The following PRDM11 variants were observed in gnomAD, a reference collection of about 807,000 sequenced individuals.
PRDM11 encodes the protein PR/SET domain 11.
In PRDM11, 20 loss-of-function variants were observed where a neutral mutation model predicts 97.8. The observed-to-expected ratio is 0.20, with a 90% CI of 0.14 to 0.30. The LOEUF (loss-of-function observed/expected upper bound fraction) is 0.30, where lower values mean the gene tolerates loss of function less well. Ranked by LOEUF, PRDM11 falls within the 10% of genes least tolerant of loss-of-function variation. The probability of loss-of-function intolerance (pLI) is 1.00; values close to 1 mark genes in which losing one functional copy is unlikely to be tolerated. For missense variants in PRDM11, 1,139 were observed against 1,555.2 expected (o/e 0.73, Z 4.50); for synonymous variants, 599 against 637.7 (o/e 0.94, Z 0.91).
intron 1 of PRDM11, among the ~76,000 whole-genome samples, chr11:45,107,688 G>A (rs118175719): frequency 6.6e-5 from 10 of 152,258 alleles, no homozygotes; most frequent in South Asian, 4.1e-4. Context: ...TGGCTTTTCC[G>A]TGTTGCTTTC....
Position 45,227,360 on chromosome 11 carries a change from T to A in PRDM11, c.2735T>A (p.Ile912Asn). ...YLLVSQVDDK[I>N]EEAIQEISRL... ...CTGGTGTCCCAGGTGGATGACAAGA[T>A]CGAGGAGGCCATCCAGGAGATCAGC... The change falls in exon 8 of 8, where the codon ATC (isoleucine) becomes AAC (asparagine). Residue 912 changes from isoleucine (I) to asparagine (N), a missense_variant. By Grantham distance (149) the Ile-to-Asn change is moderately radical. This residue lies in a region of PRDM11 where 710 missense variants were observed against 1,044.9 expected (regional missense o/e 0.68). Coordinates refer to ENST00000683152, the MANE Select transcript of PRDM11 (RefSeq NM_001384648.1). This position sits in a 1 kb window ranked among gnomAD's most constrained non-coding sequence, Gnocchi z 8.0. The A allele has an allele frequency of 6.5e-7, 1 of 1,533,884 alleles. No individual in the cohort carries two copies. Among genetic ancestry groups the A allele is most frequent in the Non-Finnish European group, 8.7e-7 (1 of 1,146,720 alleles).
At chr11:45,194,044 T>A (rs979186444) in intron 4 of PRDM11, among the ~76,000 whole-genome samples, 2 of 152,230 alleles carry the variant, frequency 1.3e-5, no homozygotes, top group African/African-American at 4.8e-5. Context: ...ATTTCACAGT[T>A]GAACGTAAGG....
chr11:45,104,761 C>T (rs1852032583), intron 1 of PRDM11, among the ~76,000 whole-genome samples: 1 of 152,138 alleles, frequency 6.6e-6, no homozygotes, highest in African/African-American at 2.4e-5. Flanking sequence ...CTGGGTGGGG[C>T]ACTTTAGAAA....
At chr11:45,203,950 A>G (rs986781559) in intron 4 of PRDM11, among the ~76,000 whole-genome samples, 2 of 152,220 alleles carry the variant, frequency 1.3e-5, no homozygotes, top group African/African-American at 2.4e-5. Flanking sequence ...GGAGAATTTC[A>G]GGAAAGTAAA....
At chr11:45,164,244 G>A (rs759328051) in intron 1 of PRDM11, among the ~76,000 whole-genome samples, 1 of 152,232 alleles carries the variant, frequency 6.6e-6, no homozygotes, top group Non-Finnish European at 1.5e-5. Flanking sequence ...GTCAGGGAAA[G>A]CGCTGGAAGC....
intron 1 of PRDM11, among the ~76,000 whole-genome samples, chr11:45,162,258 T>C (rs928121289): frequency 2.0e-5 from 3 of 152,074 alleles, no homozygotes; most frequent in Admixed American, 6.5e-5. Flanking sequence ...TCTACACCTG[T>C]CCTGTGGTGT....
chr11:45,226,822 G>A lies in PRDM11; in HGVS notation c.2197G>A (p.Gly733Arg), dbSNP rs1854286631. ...EKPTVGLGVD[G>R]ANITASLRAS... ...GCCAACTGTTGGCTTGGGTGTAGAT[G>A]GAGCCAACATCACAGCCAGCCTCCG... Residue 733 changes from glycine to arginine, a missense_variant, in exon 8 of 8, where the codon GGA becomes AGA. Coordinates refer to ENST00000683152, the MANE Select transcript of PRDM11 (RefSeq NM_001384648.1). The A allele has an allele frequency of 1.3e-6, 2 of 1,532,240 alleles. No individual in the cohort carries two copies. The highest frequency in any genetic ancestry group is 1.7e-6 in the Non-Finnish European group (2 of 1,146,222). The allele number at this position is 1,532,240 out of a possible 1,614,324, so 94.9% of individuals were successfully genotyped here. A position where few individuals can be genotyped will look rare whatever the true frequency, so the allele number is the denominator to read the frequency against.
chr11:45,114,569 C>T (rs1438456472), intron 1 of PRDM11, among the ~76,000 whole-genome samples: 1 of 151,946 alleles, frequency 6.6e-6, no homozygotes, highest in Non-Finnish European at 1.5e-5. Context: ...CTTATATACT[C>T]AATAAGCTCA....
At chr11:45,178,429 G>A (rs1852382884) in intron 1 of PRDM11, among the ~76,000 whole-genome samples, 2 of 152,016 alleles carry the variant, frequency 1.3e-5, no homozygotes, top group Admixed American at 1.3e-4. Flanking sequence ...ACCCCCTAGT[G>A]CTCCATCCTA....
In PRDM11 at chr11:45,226,362, G is replaced by T; in HGVS notation, c.1737G>T (p.Pro579=). 1 of 1,533,964 alleles carries T rather than the reference G, an allele frequency of 6.5e-7. No homozygotes were observed. Residue 579 remains proline (P), a synonymous_variant, in exon 8 of 8, where the codon CCG becomes CCT. Coordinates refer to ENST00000683152, the MANE Select transcript of PRDM11 (RefSeq NM_001384648.1). ...CLQLYKLRMH[P]EKTEEMCRNM... ...AACTGTACAAGCTCCGCATGCACCC[G>T]GAGAAGACAGAGGAGATGTGTCGCA...
chr11:45,099,450 T>TAAAAAAAAAAAA (rs532403075), intron 1 of PRDM11, among the ~76,000 whole-genome samples: 2 of 95,242 alleles, frequency 2.1e-5, no homozygotes, highest in African/African-American at 8.2e-5. Context: ...GACTCCATCT[T>TAAAAAAAAAAAA]AAAAAAAAAA....
At chr11:45,118,470 C>T (rs1565234091) in intron 1 of PRDM11, among the ~76,000 whole-genome samples, 1 of 152,124 alleles carries the variant, frequency 6.6e-6, no homozygotes, top group African/African-American at 2.4e-5. Context: ...AAATTAAATT[C>T]ATCAACACAT....
At chr11:45,106,871 A>G (rs1451378276) in intron 1 of PRDM11, among the ~76,000 whole-genome samples, 1 of 152,242 alleles carries the variant, frequency 6.6e-6, no homozygotes, top group Admixed American at 6.5e-5. Flanking sequence ...GGCAGTCACA[A>G]AAGTCTATGA....
chr11:45,185,162 T>C (rs1852659266), intron 4 of PRDM11, among the ~76,000 whole-genome samples: 1 of 152,286 alleles, frequency 6.6e-6, no homozygotes. Flanking sequence ...TAGCAAGAGC[T>C]ATTGTAGAAA....
intron 5 of PRDM11, among the ~76,000 whole-genome samples, chr11:45,209,641 C>T (rs944645768): frequency 6.6e-6 from 1 of 152,186 alleles, no homozygotes; most frequent in African/African-American, 2.4e-5. Flanking sequence ...ATGGAGGACA[C>T]AGGAGTCCAG....
chr11:45,226,341 G>A lies in PRDM11; in HGVS notation c.1716G>A (p.Leu572=). ...ACCTGCACAAGAAGTGCCTGCAACTGTACAAGCTCCGCATGCACCCGGAGA... is the reference window on the plus strand; with the variant it reads ...ACCTGCACAAGAAGTGCCTGCAACTATACAAGCTCCGCATGCACCCGGAGA... ...QSNLHKKCLQ[L]YKLRMHPEKT... Residue 572 remains leucine, a synonymous_variant, in exon 8 of 8, where the codon CTG becomes CTA. Coordinates refer to ENST00000683152, the MANE Select transcript of PRDM11 (RefSeq NM_001384648.1). 1 of 1,533,946 alleles carries A rather than the reference G, an allele frequency of 6.5e-7. No homozygotes were observed. Among genetic ancestry groups the A allele is most frequent in the South Asian group, 1.2e-5 (1 of 83,966 alleles).
intron 1 of PRDM11, among the ~76,000 whole-genome samples, chr11:45,154,794 A>G (rs1851750916): frequency 6.6e-6 from 1 of 152,232 alleles, no homozygotes; most frequent in Non-Finnish European, 1.5e-5. Flanking sequence ...TATAGCTCAG[A>G]AAACTGAGGC....
At chr11:45,154,903 C>T (rs937657125) in intron 1 of PRDM11, among the ~76,000 whole-genome samples, 2 of 152,212 alleles carry the variant, frequency 1.3e-5, no homozygotes, top group African/African-American at 4.8e-5. Context: ...CACCCCAGTC[C>T]TTCTGGAATC....
At position 45,100,414 on chromosome 11, in the gene PRDM11, C is replaced by T. The variant is rs549542615; in HGVS notation, c.96+4513C>T. Among the ~76,000 whole-genome samples, 4 of 152,362 alleles carry T rather than the reference C, an allele frequency of 2.6e-5. No individual in the cohort carries two copies. In the South Asian group the frequency reaches 8.3e-4, roughly 32 times the overall value. ...CTCATGCTCAGCCTTTCACAGCCTA[C>T]ACAAATGGCTCTTCATTTTCAGAGT... On this transcript the variant is annotated intron_variant, in intron 1 of 6. Coordinates refer to the PRDM11 transcript ENST00000530656.
Sources: allele counts gnomAD v4.1 joint callset (sites outside exome capture counted in the v4.1 genomes callset), GRCh38; gene constraint gnomAD v4.1.1; regional missense constraint gnomAD v4.1.1; non-coding constraint Gnocchi (gnomAD v3.1); transcripts MANE v1.5; gene names NCBI Gene and HGNC (gene_info 2026-07-23, HGNC 2026-07-21).